Variants in PKNOX2 observed in about 807,000 individuals in gnomAD.
PKNOX2 encodes the protein homeobox protein PKNOX2.
A neutral mutation model predicts 53.1 loss-of-function variants in PKNOX2; 14 were observed. That is an observed-to-expected ratio of 0.26 (90% CI 0.17 to 0.41). The LOEUF is 0.41. Among genes scored for constraint, PKNOX2 ranks in the 10% least tolerant of loss-of-function variants. PKNOX2 has a pLI of 1.00. For synonymous variants in PKNOX2, 257 were observed against 242.8 expected (o/e 1.06, Z -0.54); for missense variants, 496 against 602.8 (o/e 0.82, Z 1.85).
At chr11:125,246,647 C>G (rs1388128286) in intron 2 of PKNOX2, among the ~76,000 whole-genome samples, 1 of 152,164 alleles carries the variant, frequency 6.6e-6, no homozygotes, top group African/African-American at 2.4e-5. Flanking sequence ...GCCTTAGTTT[C>G]TCCATCTATT....
chr11:125,166,526 G>T lies in PKNOX2; in HGVS notation c.-201+1750G>T, dbSNP rs1257344757. 6.6e-6 allele frequency among the ~76,000 whole-genome samples: 1 copy of T among 152,188 alleles called. No individual in the cohort carries two copies. The highest frequency in any genetic ancestry group is 1.5e-5 in the Non-Finnish European group (1 of 68,024). ...TGGATCTGAGGTCCCGACCCAGGCGGCTCGGAGTGCTCCAGGAGCCACCTG... is the reference window on the plus strand; with the variant it reads ...TGGATCTGAGGTCCCGACCCAGGCGTCTCGGAGTGCTCCAGGAGCCACCTG... On this transcript the variant is annotated intron_variant, in intron 1 of 12. Coordinates refer to ENST00000298282, the MANE Select transcript of PKNOX2 (RefSeq NM_001382323.2). This position sits in a 1 kb window ranked among gnomAD's most constrained non-coding sequence, Gnocchi z 4.0.
chr11:125,367,932 T>A lies in PKNOX2; in HGVS notation c.174T>A (p.Ser58Arg). 6.2e-7 allele frequency: 1 copy of A among 1,613,434 alleles called. No homozygotes were observed. The highest frequency in any genetic ancestry group is 8.5e-7 in the Non-Finnish European group (1 of 1,179,734). The change falls in exon 5 of 13, where the codon AGT becomes AGA. Residue 58 changes from serine to arginine, a missense_variant. By Grantham distance (110) the Ser-to-Arg change is moderately radical (BLOSUM62 -1). Coordinates refer to ENST00000298282, the MANE Select transcript of PKNOX2 (RefSeq NM_001382323.2). ...CTGCTGCCAGCACACCTGTGCCCAG[T>A]GCCCCCATCGACCCCCAGGCCCAGC... ...PSAAASTPVP[S>R]APIDPQAQLE... is the part of the protein sequence containing the mutation.
At chr11:125,323,099 G>C (rs955627609) in intron 2 of PKNOX2, among the ~76,000 whole-genome samples, 1 of 152,076 alleles carries the variant, frequency 6.6e-6, no homozygotes, top group South Asian at 2.1e-4. Flanking sequence ...GAGCAGTGAC[G>C]TGCTGATGCA....
At chr11:125,176,995 CTTGCGATGTTCATGT>C (rs942521808) in intron 1 of PKNOX2, among the ~76,000 whole-genome samples, 7 of 152,196 alleles carry the variant, frequency 4.6e-5, no homozygotes, top group African/African-American at 1.4e-4. Flanking sequence ...TGGTGATAAC[CTTGCGATGTTCATGT>C]TCACGTCTTA....
chr11:125,325,791 G>GAATTCA (rs1949789440), intron 2 of PKNOX2, among the ~76,000 whole-genome samples: 1 of 152,166 alleles, frequency 6.6e-6, no homozygotes, highest in Admixed American at 6.5e-5. Flanking sequence ...CCTAGGATTG[G>GAATTCA]AATTCAAGGT....
At chr11:125,230,880 G>A (rs973188429) in intron 1 of PKNOX2, among the ~76,000 whole-genome samples, 1 of 152,160 alleles carries the variant, frequency 6.6e-6, no homozygotes, top group African/African-American at 2.4e-5. Context: ...AGAAGCTAAG[G>A]TTAGGTAAAT....
chr11:125,215,757 AAACTAACT>A (rs537144913), intron 1 of PKNOX2, among the ~76,000 whole-genome samples: 25 of 152,230 alleles, frequency 1.6e-4, no homozygotes, highest in Admixed American at 7.2e-4. Context: ...GTCTCAAAAT[AAACTAACT>A]AACTAACTAA....
At position 125,335,324 on chromosome 11, in the gene PKNOX2, C is replaced by T. The variant is rs570206907; in HGVS notation, c.-23+3399C>T. On this transcript the variant is annotated intron_variant, in intron 3 of 12. Coordinates refer to ENST00000298282, the MANE Select transcript of PKNOX2 (RefSeq NM_001382323.2). ...TTCCTGACTCTGGCTGTTCACAAAGCCCAGTTCTGTCTTTTCTGGACATCA... is the reference window on the plus strand; with the variant it reads ...TTCCTGACTCTGGCTGTTCACAAAGTCCAGTTCTGTCTTTTCTGGACATCA... Among the ~76,000 whole-genome samples, 3 of 152,310 alleles carry T rather than the reference C, an allele frequency of 2.0e-5. No individual in the cohort carries two copies. In the South Asian group the frequency reaches 6.2e-4, roughly 32 times the overall value.
intron 7 of PKNOX2, 44 bp from the exon 8 acceptor site, chr11:125,410,152 G>A (rs1591561823): frequency 3.1e-6 from 5 of 1,609,186 alleles, no homozygotes; most frequent in Non-Finnish European, 4.2e-6. Context: ...TAGGGTCTAA[G>A]CTCTCAGTGT....
At chr11:125,279,358 C>T (rs1946397485) in intron 2 of PKNOX2, among the ~76,000 whole-genome samples, 2 of 152,220 alleles carry the variant, frequency 1.3e-5, no homozygotes, top group South Asian at 4.1e-4. Context: ...AAGCTCAAAA[C>T]CTAGCGGGGA....
At chr11:125,298,949 A>C (rs905835048) in intron 2 of PKNOX2, among the ~76,000 whole-genome samples, 4 of 152,146 alleles carry the variant, frequency 2.6e-5, no homozygotes, top group Admixed American at 2.6e-4. Context: ...TTGCATTGCC[A>C]TCGAGAAGTA....
chr11:125,220,783 A>G (rs1432206179), intron 1 of PKNOX2, among the ~76,000 whole-genome samples: 1 of 152,214 alleles, frequency 6.6e-6, no homozygotes, highest in Non-Finnish European at 1.5e-5. Context: ...TTCAAAGGCC[A>G]GCATCTGTAG....
At chr11:125,349,493 C>T (rs1488863993) in intron 3 of PKNOX2, among the ~76,000 whole-genome samples, 1 of 152,142 alleles carries the variant, frequency 6.6e-6, no homozygotes, top group Non-Finnish European at 1.5e-5. Flanking sequence ...GGAGGCCAGG[C>T]GGGGGCGAGT....
intron 2 of PKNOX2, among the ~76,000 whole-genome samples, chr11:125,283,990 T>C (rs1436205153): frequency 6.6e-6 from 1 of 152,216 alleles, no homozygotes; most frequent in Non-Finnish European, 1.5e-5. Context: ...TGAGAGTCAC[T>C]AAGATGTGGC....
At chr11:125,330,322 G>A (rs1186041783) in intron 2 of PKNOX2, 2 of 152,300 alleles carry the variant, frequency 1.3e-5, no homozygotes, top group Non-Finnish European at 2.9e-5. Context: ...GTTCACAGAC[G>A]AGGTCACATG....
At chr11:125,365,295 A>C (rs1055889944) in intron 4 of PKNOX2, among the ~76,000 whole-genome samples, 2 of 152,170 alleles carry the variant, frequency 1.3e-5, no homozygotes, top group African/African-American at 4.8e-5. Flanking sequence ...GTGCAAGACC[A>C]GAAGTTTCTG....
At chr11:125,178,067 T>C (rs1955831130) in intron 1 of PKNOX2, among the ~76,000 whole-genome samples, 1 of 152,210 alleles carries the variant, frequency 6.6e-6, no homozygotes, top group South Asian at 2.1e-4. Context: ...CATAGAATCT[T>C]CAAGTCAGAA....
At chr11:125,366,675 T>C (rs894486370) in intron 4 of PKNOX2, among the ~76,000 whole-genome samples, 1 of 152,248 alleles carries the variant, frequency 6.6e-6, no homozygotes, top group Non-Finnish European at 1.5e-5. Context: ...AAGATCTAAA[T>C]GAAGACATGC....
At chr11:125,264,688 C>T (rs964821728) in intron 2 of PKNOX2, among the ~76,000 whole-genome samples, 1 of 151,230 alleles carries the variant, frequency 6.6e-6, no homozygotes, top group Admixed American at 6.6e-5. Context: ...TCCTTTTACC[C>T]CCATCCCCTG....
Sources: gnomAD v4.1 joint callset for allele counts (sites outside exome capture counted in the v4.1 genomes callset) on GRCh38, gnomAD v4.1.1 for gene constraint, Gnocchi (gnomAD v3.1) non-coding constraint, MANE v1.5 for transcripts, NCBI Gene and HGNC (gene_info 2026-07-23, HGNC 2026-07-21) for gene names.